Variants in RNLS observed in about 807,000 individuals in gnomAD.
The protein encoded by RNLS is renalase, FAD dependent amine oxidase.
A neutral mutation model predicts 39.8 loss-of-function variants in RNLS; 39 were observed. The observed-to-expected ratio is 0.98, with a 90% CI of 0.76 to 1.28. The LOEUF is 1.28. Ranked by LOEUF, RNLS falls within the 50% of genes most tolerant of loss-of-function variation. RNLS has a pLI of 0.00. For missense variants in RNLS, 410 were observed against 413.3 expected (o/e 0.99, Z 0.07); for synonymous variants, 147 against 150.7 (o/e 0.98, Z 0.18).
the RNLS span, among the ~76,000 whole-genome samples, chr10:88,172,419 G>C: frequency 6.6e-6 from 1 of 152,050 alleles, no homozygotes; most frequent in Non-Finnish European, 1.5e-5. Flanking sequence ...GCATTTCCCT[G>C]ATGATCAGTG....
intron 3 of RNLS, among the ~76,000 whole-genome samples, chr10:88,579,071 C>A (rs1850375407): frequency 6.6e-6 from 1 of 152,114 alleles, no homozygotes; most frequent in African/African-American, 2.4e-5. Flanking sequence ...TTGCATGACA[C>A]TGAAACCTTC....
chr10:88,537,334 A>G (rs1035044236), intron 4 of RNLS, among the ~76,000 whole-genome samples: 1 of 152,210 alleles, frequency 6.6e-6, no homozygotes, highest in African/African-American at 2.4e-5. Context: ...TAAAATATGT[A>G]TAATCTCCTA....
intron 4 of RNLS, among the ~76,000 whole-genome samples, chr10:88,509,718 A>T (rs1209646936): frequency 6.6e-6 from 1 of 151,816 alleles, no homozygotes; most frequent in African/African-American, 2.4e-5. Flanking sequence ...AGCACATAAT[A>T]AAAAGGTGGG....
chr10:88,273,027 A>G (rs74146685), downstream of RNLS, among the ~76,000 whole-genome samples: 15,363 of 152,126 alleles, frequency 0.1, 1,082 homozygotes, highest in African/African-American at 0.19. Context: ...CAGGGTTGGG[A>G]TGCACTGTTC....
At chr10:88,578,770 C>T (rs1850353895) in intron 3 of RNLS, among the ~76,000 whole-genome samples, 1 of 152,032 alleles carries the variant, frequency 6.6e-6, no homozygotes, top group Non-Finnish European at 1.5e-5. Flanking sequence ...GAAGTTAAAA[C>T]GTATGTATTC....
In RNLS at chr10:88,560,941, AACACACAC is replaced by A. The variant is rs35709088; in HGVS notation, c.526+11954_526+11961del. Among the ~76,000 whole-genome samples the A allele has an allele frequency of 6.9e-5, 10 of 145,810 alleles. 1 individual carries two copies. The highest frequency in any genetic ancestry group is 4.5e-4 in the South Asian group (2 of 4,410). On this transcript the variant is annotated intron_variant, in intron 4 of 6. Transcript: ENST00000331772. ...TTATAGTTTGTAGATGTTCAGAGAT[AACACACAC>A]ACACACACACACACACACACACACA...
Position 88,326,193 on chromosome 10 carries a change from A to C in RNLS, c.701-11552T>G, listed in dbSNP as rs184839491. ...AAAATACCTGAAAATGTGGAAGAGA[A>C]TTTGCAGTTGGGTAACAGGCAGAGG... On this transcript the variant is annotated intron_variant, in intron 5 of 6. Transcript: ENST00000331772. Among the ~76,000 whole-genome samples the C allele has an allele frequency of 1.7e-4, 26 of 152,300 alleles. No individual in the cohort carries two copies. The East Asian group carries it at 3.1e-3, about 18-fold the overall frequency.
intron 4 of RNLS, among the ~76,000 whole-genome samples, chr10:88,430,846 C>T (rs1317433237): frequency 6.6e-6 from 1 of 151,568 alleles, no homozygotes; most frequent in Non-Finnish European, 1.5e-5. Flanking sequence ...CCCATTTTGT[C>T]GTGGTCTTTT....
chr10:88,366,912 C>A (rs10887809), intron 4 of RNLS, among the ~76,000 whole-genome samples: 1 of 151,184 alleles, frequency 6.6e-6, no homozygotes, highest in Non-Finnish European at 1.5e-5. Context: ...CAATTCACTG[C>A]CCATGACTTC....
At position 88,544,692 on chromosome 10, in the gene RNLS, T is replaced by A. The variant is rs77695856; in HGVS notation, c.526+28211A>T. 1.3e-4 allele frequency among the ~76,000 whole-genome samples: 20 copies of A among 152,208 alleles called. No homozygotes were observed. The East Asian group carries it at 3.9e-3, about 29-fold the overall frequency. On this transcript the variant is annotated intron_variant, in intron 4 of 6. Transcript: ENST00000331772. ...AGAACGGACATGTTGCATTCTTTGG[T>A]TTTGAAATTACAAACAAATATGGGT...
chr10:88,260,083 G>A, the RNLS span, among the ~76,000 whole-genome samples: 1 of 152,186 alleles, frequency 6.6e-6, no homozygotes, highest in Non-Finnish European at 1.5e-5. Context: ...TTTGGGCCTA[G>A]AGAATGTGTA....
intron 5 of RNLS, among the ~76,000 whole-genome samples, chr10:88,332,749 G>A (rs979887853): frequency 1.3e-5 from 2 of 152,166 alleles, no homozygotes; most frequent in Non-Finnish European, 2.9e-5. Flanking sequence ...AATGATAGAG[G>A]TGAAATGACA....
At chr10:88,184,002 CAG>C in the RNLS span, among the ~76,000 whole-genome samples, 1 of 152,002 alleles carries the variant, frequency 6.6e-6, no homozygotes, top group East Asian at 1.9e-4. Context: ...AAAGTTAACA[CAG>C]AGGAAAAAAG....
intron 4 of RNLS, among the ~76,000 whole-genome samples, chr10:88,383,448 C>T (rs1851670157): frequency 6.6e-6 from 1 of 152,124 alleles, no homozygotes; most frequent in Non-Finnish European, 1.5e-5. Context: ...TTGTTTGAAT[C>T]ACATGTAATG....
At chr10:88,437,597 C>T (rs769766370) in intron 4 of RNLS, among the ~76,000 whole-genome samples, 1 of 152,160 alleles carries the variant, frequency 6.6e-6, no homozygotes, top group Non-Finnish European at 1.5e-5. Context: ...TTTCCACACC[C>T]TGTTTTCAAA....
chr10:88,218,117 G>C, the RNLS span, among the ~76,000 whole-genome samples: 1 of 152,200 alleles, frequency 6.6e-6, no homozygotes, highest in Non-Finnish European at 1.5e-5. Flanking sequence ...GCCCCAGAAA[G>C]CTGGGCTCCT....
At chr10:88,389,504 G>C (rs374912605) in intron 4 of RNLS, among the ~76,000 whole-genome samples, 1 of 152,224 alleles carries the variant, frequency 6.6e-6, no homozygotes, top group East Asian at 1.9e-4. Flanking sequence ...TTGGTCAAAG[G>C]TATTGCTGCT....
the RNLS span, among the ~76,000 whole-genome samples, chr10:88,208,666 G>A: frequency 2.6e-5 from 4 of 152,018 alleles, no homozygotes; most frequent in Non-Finnish European, 5.9e-5. Flanking sequence ...GACCATCCTT[G>A]ACTTTCTGCT....
chr10:88,273,240 A>C (rs907277989), downstream of RNLS, among the ~76,000 whole-genome samples: 99 of 152,342 alleles, frequency 6.5e-4, no homozygotes, highest in Non-Finnish European at 2.1e-4. Flanking sequence ...GCACCTCAAC[A>C]CAAGGCCAAT....
Sources: allele counts gnomAD v4.1 joint callset (sites outside exome capture counted in the v4.1 genomes callset), GRCh38; gene constraint gnomAD v4.1.1; transcripts MANE v1.5; gene names NCBI Gene and HGNC (gene_info 2026-07-23, HGNC 2026-07-21).